CTNNBIP1: variants seen among roughly 807,000 people sequenced by gnomAD.
CTNNBIP1 encodes the protein catenin beta interacting protein 1.
CTNNBIP1 carries 7 observed loss-of-function variants against 11.8 expected under a neutral mutation model. The ratio of observed to expected loss-of-function variants is 0.60; its 90% CI spans 0.34 to 1.12. CTNNBIP1 has a LOEUF of 1.12. CTNNBIP1 is among the 50% of genes most tolerant of loss of function. The probability of loss-of-function intolerance (pLI) is 0.03; values close to 1 mark genes in which losing one functional copy is unlikely to be tolerated. For synonymous variants in CTNNBIP1, 58 were observed against 43.9 expected (o/e 1.32, Z -1.26); for missense variants, 101 against 113.4 (o/e 0.89, Z 0.50).
chr1:9,905,708 G>C (rs1003412436), intron 1 of CTNNBIP1, among the ~76,000 whole-genome samples: 2 of 151,430 alleles, frequency 1.3e-5, no homozygotes, highest in African/African-American at 4.9e-5. Context: ...GGGATTACAA[G>C]CGTGAACCAC....
chr1:9,864,406 G>A lies in CTNNBIP1; in HGVS notation c.187+6781C>T, dbSNP rs933202327. 1.1e-4 allele frequency among the ~76,000 whole-genome samples: 17 copies of A among 152,268 alleles called. No homozygotes were observed. In the East Asian group the frequency reaches 3.1e-3, roughly 28 times the overall value. On this transcript the variant is annotated intron_variant, in intron 5 of 5. Transcript: ENST00000377263. ...TGCAGTGGCGCGATCTCGGCTCACTGCAAGCTCCGCCTCCCGGGTTCACGC... is the reference window on the plus strand; with the variant it reads ...TGCAGTGGCGCGATCTCGGCTCACTACAAGCTCCGCCTCCCGGGTTCACGC...
chr1:9,890,671 A>G (rs1484617725), intron 1 of CTNNBIP1, among the ~76,000 whole-genome samples: 2 of 152,138 alleles, frequency 1.3e-5, no homozygotes, highest in African/African-American at 4.8e-5. Flanking sequence ...GCATGGGTAC[A>G]AGCGCCCCCT....
chr1:9,852,551 C>A (rs1057387454), intron 5 of CTNNBIP1, among the ~76,000 whole-genome samples: 2 of 152,218 alleles, frequency 1.3e-5, no homozygotes, highest in African/African-American at 4.8e-5. Context: ...AGCCCTAGGA[C>A]CACGCAATAT....
chr1:9,890,096 T>C (rs1423704897), intron 1 of CTNNBIP1, among the ~76,000 whole-genome samples: 2 of 152,228 alleles, frequency 1.3e-5, no homozygotes, highest in African/African-American at 4.8e-5. Context: ...TTACATCTTC[T>C]GGTTTAAAAT....
intron 1 of CTNNBIP1, among the ~76,000 whole-genome samples, chr1:9,884,807 C>T (rs1364426835): frequency 6.6e-6 from 1 of 151,984 alleles, no homozygotes; most frequent in Non-Finnish European, 1.5e-5. Flanking sequence ...GGGTGGGCAG[C>T]GGGCCCTTCC....
intron 3 of CTNNBIP1, among the ~76,000 whole-genome samples, chr1:9,876,227 C>T (rs896198371): frequency 1.3e-5 from 2 of 152,182 alleles, no homozygotes; most frequent in African/African-American, 2.4e-5. Flanking sequence ...TTCCCATAAA[C>T]ATTCCAGCGT....
rs1638395426 is a variant in CTNNBIP1 at position 9,851,920 on chromosome 1, C to A, written c.188-1144G>T. ...TAGGGCCCCACCTTGACTCCCTGAC[C>A]CTGTCCTGCTGCTCTCACCCCCTTT... On this transcript the variant is annotated intron_variant, in intron 5 of 5. Coordinates refer to ENST00000377263, the MANE Select transcript of CTNNBIP1 (RefSeq NM_020248.3). This position sits in a 1 kb window ranked among gnomAD's most constrained non-coding sequence, Gnocchi z 4.8. 2.0e-5 allele frequency among the ~76,000 whole-genome samples: 3 copies of A among 152,188 alleles called. No individual in the cohort carries two copies. In the South Asian group the frequency reaches 6.2e-4, roughly 31 times the overall value.
intron 5 of CTNNBIP1, among the ~76,000 whole-genome samples, chr1:9,853,057 G>A (rs1375742927): frequency 2.6e-5 from 4 of 152,142 alleles, no homozygotes; most frequent in Non-Finnish European, 5.9e-5. Context: ...TGAAGCAAAG[G>A]ATTTGCAAGA....
chr1:9,905,770 ACTAT>A (rs1018300828), intron 1 of CTNNBIP1, among the ~76,000 whole-genome samples: 12 of 152,126 alleles, frequency 7.9e-5, no homozygotes, highest in Admixed American at 2.6e-4. Flanking sequence ...TTATTTGTTT[ACTAT>A]CTGTCTCTCC....
chr1:9,852,629 A>G (rs1638416079), intron 5 of CTNNBIP1, among the ~76,000 whole-genome samples: 1 of 152,178 alleles, frequency 6.6e-6, no homozygotes, highest in South Asian at 2.1e-4. Context: ...ACGGCAGCTG[A>G]GTTGGTTACC....
chr1:9,866,040 G>A (rs1638737334), intron 5 of CTNNBIP1, among the ~76,000 whole-genome samples: 1 of 152,174 alleles, frequency 6.6e-6, no homozygotes. Context: ...AGACACCCTT[G>A]GGGACTAGAA....
rs151144700 is a variant in CTNNBIP1 at position 9,851,374 on chromosome 1, C to CTT, written c.188-600_188-599dup. Among the ~76,000 whole-genome samples, 11 of 151,602 alleles carry CTT rather than the reference C, an allele frequency of 7.3e-5. No individual in the cohort carries two copies. The highest frequency in any genetic ancestry group is 2.2e-4 in the African/African-American group (9 of 41,182). ...TTCTTTTTCTTTTTCCTTTTTCTTT[C>CTT]TTTTTTTTGTGTGTGATATGGAGTC... On this transcript the variant is annotated intron_variant, in intron 5 of 5. Transcript: ENST00000377263. This position sits in a 1 kb window ranked among gnomAD's most constrained non-coding sequence, Gnocchi z 4.8.
chr1:9,885,627 G>C (rs1427513269), intron 1 of CTNNBIP1, among the ~76,000 whole-genome samples: 1 of 151,178 alleles, frequency 6.6e-6, no homozygotes, highest in East Asian at 1.9e-4. Context: ...CTAGGTGACA[G>C]GGCAAGACCC....
At chr1:9,900,956 G>C (rs1362789355) in intron 1 of CTNNBIP1, among the ~76,000 whole-genome samples, 1 of 152,222 alleles carries the variant, frequency 6.6e-6, no homozygotes, top group Non-Finnish European at 1.5e-5. Flanking sequence ...GGCCTAGCCA[G>C]AGCTGACCTT....
chr1:9,873,388 T>C (rs1334433758), intron 3 of CTNNBIP1, among the ~76,000 whole-genome samples: 1 of 152,120 alleles, frequency 6.6e-6, no homozygotes, highest in Non-Finnish European at 1.5e-5. Context: ...TGGTCTCTGA[T>C]GAGAAGGACC....
intron 5 of CTNNBIP1, among the ~76,000 whole-genome samples, chr1:9,869,269 G>A (rs1294652011): frequency 1.3e-5 from 2 of 152,196 alleles, no homozygotes; most frequent in African/African-American, 4.8e-5. Context: ...CAAAGTGCTG[G>A]GATGACAGGC....
intron 5 of CTNNBIP1, among the ~76,000 whole-genome samples, chr1:9,869,785 G>A (rs1638824544): frequency 6.6e-6 from 1 of 152,210 alleles, no homozygotes; most frequent in Non-Finnish European, 1.5e-5. Flanking sequence ...AGTCTCCAGG[G>A]ACTCAGAAGC....
At chr1:9,886,392 AATCG>A (rs201618910) in intron 1 of CTNNBIP1, among the ~76,000 whole-genome samples, 1,481 of 117,238 alleles carry the variant, frequency 0.013, 27 homozygotes, top group African/African-American at 0.1. Flanking sequence ...GTGACAATCG[AATCG>A]AATATATCTT....
rs1243950811 is a variant in CTNNBIP1 at position 9,851,919 on chromosome 1, C to T, written c.188-1143G>A. ...GTAGGGCCCCACCTTGACTCCCTGA[C>T]CCTGTCCTGCTGCTCTCACCCCCTT... On this transcript the variant is annotated intron_variant, in intron 5 of 5. Coordinates refer to ENST00000377263, the MANE Select transcript of CTNNBIP1 (RefSeq NM_020248.3). The surrounding 1 kb of genome is among the most constrained non-coding windows in gnomAD (Gnocchi z 4.8). Among the ~76,000 whole-genome samples the T allele has an allele frequency of 1.3e-5, 2 of 152,204 alleles. No individual in the cohort carries two copies. The highest frequency in any genetic ancestry group is 2.9e-5 in the Non-Finnish European group (2 of 68,030).
Sources: gnomAD v4.1 joint callset for allele counts (sites outside exome capture counted in the v4.1 genomes callset) on GRCh38, gnomAD v4.1.1 for gene constraint, Gnocchi (gnomAD v3.1) non-coding constraint, MANE v1.5 for transcripts, NCBI Gene and HGNC (gene_info 2026-07-23, HGNC 2026-07-21) for gene names.